The following PRPF18 variants were observed in gnomAD, a reference collection of about 807,000 sequenced individuals.
PRPF18 encodes pre-mRNA processing factor 18, also known as pre-mRNA-splicing factor 18.
PRPF18 carries 38 observed loss-of-function variants against 46.5 expected under a neutral mutation model. The observed-to-expected ratio is 0.82, with a 90% confidence interval of 0.63 to 1.07. The LOEUF (loss-of-function observed/expected upper bound fraction) is 1.07. Ranked by LOEUF, PRPF18 falls within the 50% of genes least tolerant of loss-of-function variation. The pLI is 0.00. For missense variants in PRPF18, 263 were observed against 410.0 expected (o/e 0.64, Z 3.10); for synonymous variants, 152 against 146.7 (o/e 1.04, Z -0.26).
chr10:13,618,615 CAAAAAA>C lies in PRPF18; in HGVS notation c.948+2083_948+2088del, dbSNP rs68069523. ...CACTTCAGACAGAGCAAGACCCTGT[CAAAAAA>C]AAAAAAAAAAAAAAAAAAAAGAAAG... On this transcript the variant is annotated intron_variant, in intron 9 of 9. Coordinates refer to ENST00000378572, the MANE Select transcript of PRPF18 (RefSeq NM_003675.4). 4.3e-4 allele frequency among the ~76,000 whole-genome samples: 17 copies of C among 39,988 alleles called. No individual in the cohort carries two copies. In the South Asian group the frequency reaches 6.0e-3, roughly 14 times the overall value. The allele number at this position is 39,988 out of a possible 152,430, so 26.2% of individuals were successfully genotyped here. A position where few individuals can be genotyped will look rare whatever the true frequency, so the allele number is the denominator to read the frequency against.
the PRPF18 span, chr10:13,651,993 GAGGAGGA>G: frequency 1.4e-6 from 2 of 1,413,658 alleles, no homozygotes; most frequent in Non-Finnish European, 2.0e-6. Flanking sequence ...AGGAAAGCAG[GAGGAGGA>G]AGAGAAGAGA....
chr10:13,617,320 T>A (rs59557121), intron 9 of PRPF18, among the ~76,000 whole-genome samples: 1,955 of 152,370 alleles, frequency 0.013, 40 homozygotes, highest in African/African-American at 0.045. Flanking sequence ...GTCATTACCA[T>A]ATTCATGAAA....
At chr10:13,642,216 TC>T in the PRPF18 span, 1 of 152,248 alleles carries the variant, frequency 6.6e-6, no homozygotes, top group Non-Finnish European at 1.5e-5. Context: ...AATCTCTTCC[TC>T]CTGTTTAATG....
chr10:13,591,353 A>C (rs1436227362), intron 1 of PRPF18: 4 of 401,114 alleles, frequency 1.0e-5, no homozygotes, highest in African/African-American at 2.1e-5. Context: ...GTATGTGAAA[A>C]AAGTTTTATG....
chr10:13,645,142 TG>T, the PRPF18 span: 1 of 152,196 alleles, frequency 6.6e-6, no homozygotes, highest in Non-Finnish European at 1.5e-5. Flanking sequence ...CCTTGGTATT[TG>T]TTTCATTTTA....
At chr10:13,616,138 A>G (rs1420212674) in intron 8 of PRPF18, among the ~76,000 whole-genome samples, 1 of 152,194 alleles carries the variant, frequency 6.6e-6, no homozygotes, top group Non-Finnish European at 1.5e-5. Context: ...AAAGGCTGCA[A>G]AGGAATGTTT....
intron 6 of PRPF18, among the ~76,000 whole-genome samples, chr10:13,612,069 C>T (rs757494244): frequency 4.4e-4 from 67 of 151,882 alleles, no homozygotes; most frequent in African/African-American, 9.4e-4. Context: ...TAGTAGAGAT[C>T]GGGTTTCACC....
Position 13,619,565 on chromosome 10 carries a change from C to T in PRPF18, c.948+3012C>T, listed in dbSNP as rs569254091. Among the ~76,000 whole-genome samples, 22 of 152,284 alleles carry T rather than the reference C, an allele frequency of 1.4e-4. No homozygotes were observed. In the South Asian group the frequency reaches 1.9e-3, roughly 13 times the overall value. ...CTTAAACCTCAAGTTTCAACTCATG[C>T]GCCCAAGAGTCACTAAGATAACGAG... On this transcript the variant is annotated intron_variant, in intron 9 of 9. Coordinates refer to ENST00000378572, the MANE Select transcript of PRPF18 (RefSeq NM_003675.4).
chr10:13,591,982 G>C (rs1314222883), intron 1 of PRPF18: 1 of 942,188 alleles, frequency 1.1e-6, no homozygotes, highest in Non-Finnish European at 1.6e-6. Context: ...TCTTCAGTAG[G>C]AAAATATCTA....
At chr10:13,608,697 GT>G (rs1457236323) in intron 4 of PRPF18, among the ~76,000 whole-genome samples, 3 of 152,170 alleles carry the variant, frequency 2.0e-5, no homozygotes, top group Non-Finnish European at 4.4e-5. Flanking sequence ...TGTACTTACT[GT>G]TTTTCGCTAT....
the PRPF18 span, chr10:13,645,903 G>A: frequency 5.2e-5 from 8 of 152,640 alleles, no homozygotes; most frequent in African/African-American, 1.9e-4. Flanking sequence ...CAAAAAAATA[G>A]GATACGCTTT....
At chr10:13,619,789 T>C (rs1476934916) in intron 9 of PRPF18, among the ~76,000 whole-genome samples, 1 of 152,130 alleles carries the variant, frequency 6.6e-6, no homozygotes, top group Non-Finnish European at 1.5e-5. Context: ...TGTAGGAATA[T>C]GGTTCCAATG....
chr10:13,633,446 A>G (rs1213362765), downstream of PRPF18, among the ~76,000 whole-genome samples: 1 of 152,218 alleles, frequency 6.6e-6, no homozygotes, highest in Admixed American at 6.5e-5. Context: ...GTTGGAAAGA[A>G]AGTAATAATG....
At chr10:13,636,414 G>A in the PRPF18 span, among the ~76,000 whole-genome samples, 2 of 152,168 alleles carry the variant, frequency 1.3e-5, no homozygotes, top group Non-Finnish European at 2.9e-5. Context: ...GTGAGACCGT[G>A]TCTCAAAAAT....
chr10:13,587,301 G>T (rs1004136925), intron 1 of PRPF18, 149 bp downstream of exon 1: 30 of 796,928 alleles, frequency 3.8e-5, no homozygotes, highest in Non-Finnish European at 6.3e-5. Flanking sequence ...GGCCCCCTTA[G>T]ATCCAACCCT....
At chr10:13,605,131 A>G (rs2080164939) in intron 3 of PRPF18, among the ~76,000 whole-genome samples, 4 of 152,214 alleles carry the variant, frequency 2.6e-5, no homozygotes. Context: ...ATTTGGAAAC[A>G]TCTTTGTTTA....
chr10:13,600,078 T>C (rs1356802545), intron 2 of PRPF18, among the ~76,000 whole-genome samples, 166 bp from the exon 3 acceptor site: 1 of 152,226 alleles, frequency 6.6e-6, no homozygotes, highest in African/African-American at 2.4e-5. Flanking sequence ...TACGTTTGAC[T>C]CTCTTTTGTA....
intron 1 of PRPF18, among the ~76,000 whole-genome samples, chr10:13,593,061 T>C (rs1216881549): frequency 6.6e-6 from 1 of 152,118 alleles, no homozygotes; most frequent in Non-Finnish European, 1.5e-5. Context: ...TGGATATCCA[T>C]ACGGAAATAA....
At chr10:13,607,966 T>C (rs1167584271) in intron 4 of PRPF18, among the ~76,000 whole-genome samples, 1 of 152,232 alleles carries the variant, frequency 6.6e-6, no homozygotes, top group Non-Finnish European at 1.5e-5. Flanking sequence ...GTTGTTCAGA[T>C]CTTCTTTGGC....
Sources: gnomAD v4.1 joint callset for allele counts (sites outside exome capture counted in the v4.1 genomes callset) on GRCh38, gnomAD v4.1.1 for gene constraint, MANE v1.5 for transcripts, NCBI Gene and HGNC (gene_info 2026-07-23, HGNC 2026-07-21) for gene names.